The following MYO3A variants were observed in gnomAD, a reference collection of about 807,000 sequenced individuals.
MYO3A encodes myosin-IIIa.
Under a neutral mutation model 192.7 loss-of-function variants are expected in MYO3A, and 180 were observed. The ratio of observed to expected loss-of-function variants is 0.93; its 90% CI spans 0.83 to 1.06. The LOEUF is 1.06. Ranked by LOEUF, MYO3A falls within the 50% of genes least tolerant of loss-of-function variation. The pLI, the probability that MYO3A is intolerant of heterozygous loss-of-function variation, is 0.00. For synonymous variants in MYO3A, 628 were observed against 645.3 expected (o/e 0.97, Z 0.41); for missense variants, 1,896 against 1,905.0 (o/e 1.00, Z 0.09).
intron 4 of MYO3A, among the ~76,000 whole-genome samples, chr10:25,988,939 C>CTT (rs56308717): frequency 0.021 from 2,426 of 116,948 alleles, 29 homozygotes; most frequent in Non-Finnish European, 0.029. Context: ...CCCTAAAACT[C>CTT]TTTTTTTTTT....
intron 14 of MYO3A, among the ~76,000 whole-genome samples, chr10:26,077,440 C>T (rs1218709838): frequency 6.6e-6 from 1 of 151,624 alleles, no homozygotes; most frequent in Admixed American, 6.6e-5. Context: ...ATATCATCAG[C>T]AAATAGTGAC....
chr10:26,025,721 A>G (rs761408214), intron 9 of MYO3A, among the ~76,000 whole-genome samples: 3 of 152,118 alleles, frequency 2.0e-5, no homozygotes, highest in Non-Finnish European at 4.4e-5. Flanking sequence ...CATTTGTTCA[A>G]ATGCTCCTCC....
At chr10:25,944,942 C>T (rs915455254) in intron 2 of MYO3A, among the ~76,000 whole-genome samples, 1 of 151,870 alleles carries the variant, frequency 6.6e-6, no homozygotes, top group African/African-American at 2.4e-5. Context: ...GTTCAGTTTG[C>T]TCCTCTTATT....
chr10:26,117,883 G>T (rs1472547915), intron 17 of MYO3A, among the ~76,000 whole-genome samples: 3 of 152,174 alleles, frequency 2.0e-5, no homozygotes, highest in Non-Finnish European at 2.9e-5. Context: ...GGGTCAGATA[G>T]TATTTCTGTC....
At chr10:26,093,669 C>T (rs74126397) in intron 15 of MYO3A, among the ~76,000 whole-genome samples, 14,838 of 152,238 alleles carry the variant, frequency 0.097, 800 homozygotes, top group Non-Finnish European at 0.12. Flanking sequence ...CAGCTTTTCT[C>T]GTTTTTTCTC....
At chr10:26,183,209 AACCT>A (rs907098003) in intron 31 of MYO3A, among the ~76,000 whole-genome samples, 10 of 152,164 alleles carry the variant, frequency 6.6e-5, no homozygotes, top group African/African-American at 2.4e-4. Flanking sequence ...ACCTTACCTG[AACCT>A]ACCAGTATTG....
At chr10:26,045,556 A>C (rs72793990) in intron 10 of MYO3A, among the ~76,000 whole-genome samples, 24,723 of 152,124 alleles carry the variant, frequency 0.16, 2,298 homozygotes, top group Non-Finnish European at 0.21. Flanking sequence ...TCCTTGGTTC[A>C]TGTAGCAGCT....
intron 18 of MYO3A, among the ~76,000 whole-genome samples, chr10:26,121,197 T>C (rs898403816): frequency 6.6e-6 from 1 of 151,356 alleles, no homozygotes; most frequent in African/African-American, 2.4e-5. Context: ...AGATGGATTC[T>C]ACAGCCATTC....
At chr10:26,020,154 C>T (rs1320153531) in intron 7 of MYO3A, among the ~76,000 whole-genome samples, 1 of 152,148 alleles carries the variant, frequency 6.6e-6, no homozygotes, top group Non-Finnish European at 1.5e-5. Flanking sequence ...CCCATAAACT[C>T]GCCATCCACG....
At chr10:26,181,513 A>G (rs1842616417) in intron 31 of MYO3A, among the ~76,000 whole-genome samples, 1 of 152,164 alleles carries the variant, frequency 6.6e-6, no homozygotes, top group African/African-American at 2.4e-5. Flanking sequence ...ATTCGGAAAA[A>G]TAGCACTCTC....
chr10:25,975,364 T>C (rs1291473744), intron 4 of MYO3A, among the ~76,000 whole-genome samples: 1 of 152,110 alleles, frequency 6.6e-6, no homozygotes, highest in East Asian at 1.9e-4. Flanking sequence ...CATTAAGCAG[T>C]TGGTTGAATT....
intron 10 of MYO3A, among the ~76,000 whole-genome samples, chr10:26,040,957 T>C (rs1421046019): frequency 2.0e-5 from 3 of 152,104 alleles, no homozygotes; most frequent in African/African-American, 7.2e-5. Flanking sequence ...CTGATTTTCT[T>C]TCTGGAAGAT....
chr10:26,071,119 T>C lies in MYO3A; in HGVS notation c.1359+718T>C, dbSNP rs1031251838. ...CAAACAATCTTGAGAAAGAACAAAG[T>C]TGGAGGATTCATGCAACCTTATTTC... On this transcript the variant is annotated intron_variant, in intron 14 of 34. Coordinates refer to ENST00000642920, the MANE Select transcript of MYO3A (RefSeq NM_017433.5). Among the ~76,000 whole-genome samples, 4 of 151,942 alleles carry C rather than the reference T, an allele frequency of 2.6e-5. No individual in the cohort carries two copies. The South Asian group carries it at 8.3e-4, about 32-fold the overall frequency.
chr10:26,039,146 T>G (rs1323770813), intron 10 of MYO3A, among the ~76,000 whole-genome samples: 2 of 151,838 alleles, frequency 1.3e-5, no homozygotes, highest in South Asian at 4.2e-4. Flanking sequence ...GTTCAAGCGA[T>G]TCTCCTGCCT....
Position 25,952,236 on chromosome 10 carries a change from A to C in MYO3A, c.126A>C (p.Lys42Asn). The C allele has an allele frequency of 6.2e-7, 1 of 1,612,802 alleles. No homozygotes were observed. ...YGKVFKVLNK[K>N]NGQKAAVKIL... is the part of the protein sequence containing the mutation. Reference sequence around the variant, plus strand: ...AAGTTTTTAAAGTATTGAATAAGAAAAATGGCCAAAAAGCAGCAGTCAAAA... The same window carrying C: ...AAGTTTTTAAAGTATTGAATAAGAACAATGGCCAAAAAGCAGCAGTCAAAA... Residue 42 changes from lysine to asparagine, a missense_variant, in exon 3 of 35, where the codon AAA becomes AAC. Transcript: ENST00000642920.
chr10:26,170,641 C>G lies in MYO3A; in HGVS notation c.3398+102C>G, dbSNP rs1018764692. 4.8e-6 allele frequency: 6 copies of G among 1,250,260 alleles called. No homozygotes were observed. In the African/African-American group the frequency reaches 9.0e-5, roughly 19 times the overall value. The allele number at this position is 1,250,260 out of a possible 1,614,324, so 77.4% of individuals were successfully genotyped here. A position where few individuals can be genotyped will look rare whatever the true frequency, so the allele number is the denominator to read the frequency against. On this transcript the variant is annotated intron_variant, in intron 29 of 34. Transcript: ENST00000642920. ...AGCCTTTCTTGTACTAGTCAGGTTC[C>G]TGATACTGACACATCAAATGTCAGT...
rs758526717 is a variant in MYO3A, at chr10:26,096,601, A to G, written c.1695A>G (p.Gln565=). 2.5e-6 allele frequency: 4 copies of G among 1,605,912 alleles called. No individual in the cohort carries two copies. In the East Asian group the frequency reaches 8.9e-5, roughly 36 times the overall value. ...AAAATGACCACCTCAGAACAGTACAAGACATCATGAATAATAGTTTCTATA... is the reference window on the plus strand; with the variant it reads ...AAAATGACCACCTCAGAACAGTACAGGACATCATGAATAATAGTTTCTATA... ...YLQNDHLRTV[Q]DIMNNSFYKS... Residue 565 remains glutamine (Q), a synonymous_variant, in exon 17 of 35, where the codon CAA becomes CAG. Transcript: ENST00000642920.
At chr10:26,055,906 A>T (rs1844287300) in intron 10 of MYO3A, among the ~76,000 whole-genome samples, 1 of 152,202 alleles carries the variant, frequency 6.6e-6, no homozygotes, top group African/African-American at 2.4e-5. Flanking sequence ...ACACCTATTT[A>T]TTGGAGTTAC....
chr10:26,168,810 G>T lies in MYO3A; in HGVS notation c.3210G>T (p.Leu1070Phe), dbSNP rs375885853. Reference protein sequence around the residue: ...ILIQACVRAFLCSRRYQKIQE... With the variant: ...ILIQACVRAFFCSRRYQKIQE... ...TTCAAGCTTGTGTCAGAGCATTCTT[G>T]TGTTCAAGAAGATACCAAAAAATAC... Residue 1070 changes from leucine (L) to phenylalanine (F), a missense_variant, in exon 28 of 35, where the codon TTG becomes TTT. Physicochemically the swap from Leu to Phe is conservative, Grantham distance 22. Transcript: ENST00000642920. 1.2e-6 allele frequency: 2 copies of T among 1,612,998 alleles called. No homozygotes were observed. The highest frequency in any genetic ancestry group is 1.3e-5 in the African/African-American group (1 of 74,892).
Sources: allele counts gnomAD v4.1 joint callset (sites outside exome capture counted in the v4.1 genomes callset), GRCh38; gene constraint gnomAD v4.1.1; transcripts MANE v1.5; gene names NCBI Gene and HGNC (gene_info 2026-07-23, HGNC 2026-07-21).